RNASEH1: variants seen among roughly 807,000 people sequenced by gnomAD.
RNASEH1 encodes the protein ribonuclease H1, also known as ribonuclease H type II.
Under a neutral mutation model 34.6 loss-of-function variants are expected in RNASEH1, and 27 were observed. That is an observed-to-expected ratio of 0.78 (90% CI 0.58 to 1.08). The LOEUF (loss-of-function observed/expected upper bound fraction) is 1.08. Ranked by LOEUF, RNASEH1 falls within the 50% of genes least tolerant of loss-of-function variation. The probability of loss-of-function intolerance (pLI) is 0.00; values close to 1 mark genes in which losing one functional copy is unlikely to be tolerated. For missense variants in RNASEH1, 349 were observed against 373.6 expected, an observed-to-expected ratio of 0.93 and a Z score of 0.54; for synonymous variants, 162 against 138.4, an observed-to-expected ratio of 1.17 and a Z score of -1.20.
At chr2:3,555,787 T>A (rs1002512220) in intron 2 of RNASEH1, among the ~76,000 whole-genome samples, 4 of 152,184 alleles carry the variant, frequency 2.6e-5, no homozygotes, top group Admixed American at 1.3e-4. Context: ...TGAGTCTGCA[T>A]AATGGGCTTT....
intron 2 of RNASEH1, among the ~76,000 whole-genome samples, chr2:3,553,266 G>C (rs908998214): frequency 6.6e-6 from 1 of 151,762 alleles, no homozygotes; most frequent in Non-Finnish European, 1.5e-5. Flanking sequence ...AAAGGAAACA[G>C]AAACCAGAAA....
intron 7 of RNASEH1, among the ~76,000 whole-genome samples, chr2:3,546,731 A>G (rs1668788792): frequency 6.6e-6 from 1 of 152,226 alleles, no homozygotes; most frequent in Admixed American, 6.5e-5. Context: ...AGATTGCGCC[A>G]CTGCACTCCA....
At chr2:3,535,340 T>G in the RNASEH1 span, among the ~76,000 whole-genome samples, 1 of 148,360 alleles carries the variant, frequency 6.7e-6, no homozygotes, top group Non-Finnish European at 1.5e-5. Context: ...GGCAAGAGAA[T>G]CACTTGAACC....
At chr2:3,550,326 C>G (rs748689328) in intron 4 of RNASEH1, 47 bp downstream of exon 4, 2 of 1,434,712 alleles carry the variant, frequency 1.4e-6, no homozygotes, top group East Asian at 4.5e-5. Context: ...CATCTTTTCA[C>G]AAGTTGTGGA....
At position 3,545,451 on chromosome 2, in the gene RNASEH1, G is replaced by T; in HGVS notation, c.*334C>A. On this transcript the variant is annotated 3_prime_UTR_variant, in exon 8 of 8. Coordinates refer to ENST00000315212, the MANE Select transcript of RNASEH1 (RefSeq NM_002936.6). ...TCTGAGTTGCATCTTTTAACCAATG[G>T]TTTTTTGATTTCTTATCAAAATATA... The T allele has an allele frequency of 3.8e-6, 1 of 262,142 alleles. No individual in the cohort carries two copies. The highest frequency in any genetic ancestry group is 6.9e-5 in the South Asian group (1 of 14,556). 16.2% of individuals were successfully genotyped at this position (262,142 alleles called of 1,614,324 possible). A position where few individuals can be genotyped will look rare whatever the true frequency, so the allele number is the denominator to read the frequency against.
rs1197095444 is a variant in RNASEH1 at position 3,543,323 on chromosome 2, T to G, written c.*2462A>C. ...GTGCTACCCAGCTGAAGAAACTATT[T>G]TCTGCTCAATTAAACTGCTAACTTG... On this transcript the variant is annotated 3_prime_UTR_variant, in exon 8 of 8. Coordinates refer to ENST00000315212, the MANE Select transcript of RNASEH1 (RefSeq NM_002936.6). Among the ~76,000 whole-genome samples the G allele has an allele frequency of 6.6e-6, 1 of 152,224 alleles. No individual in the cohort carries two copies. Among genetic ancestry groups the G allele is most frequent in the African/African-American group, 2.4e-5 (1 of 41,460 alleles).
chr2:3,537,032 T>C (rs1668023679), downstream of RNASEH1, among the ~76,000 whole-genome samples: 1 of 152,200 alleles, frequency 6.6e-6, no homozygotes, highest in South Asian at 2.1e-4. Context: ...GAGGCCCCTC[T>C]CCAAATGGCC....
In RNASEH1 at chr2:3,548,683, G is replaced by A; in HGVS notation, c.606C>T (p.Ile202=). The A allele has an allele frequency of 6.2e-7, 1 of 1,612,496 alleles. No individual in the cohort carries two copies. The highest frequency in any genetic ancestry group is 1.3e-5 in the African/African-American group (1 of 75,008). Residue 202 remains isoleucine (I), a synonymous_variant, in exon 6 of 8, where the codon ATC becomes ATT. Coordinates refer to ENST00000315212, the MANE Select transcript of RNASEH1 (RefSeq NM_002936.6). Reference sequence around the variant, plus strand: ...TGTCTGTATACAGAACCAGTTTATTGATGTTTTGAGTCTTTGCTTGTTCAA... The same window carrying A: ...TGTCTGTATACAGAACCAGTTTATTAATGTTTTGAGTCTTTGCTTGTTCAA... The part of the protein sequence containing the change: ...KAIEQAKTQN[I]NKLVLYTDSM...
Position 3,544,549 on chromosome 2 carries a change from G to A in RNASEH1, c.*1236C>T, listed in dbSNP as rs1668567501. ...TCTGTAAAAGTCAGGATTACTTGTT[G>A]GGGCAAGGAGGGGGAGAAGAAGAGG... is the stretch of plus-strand genomic sequence containing the variant. On this transcript the variant is annotated 3_prime_UTR_variant, in exon 8 of 8. Coordinates refer to ENST00000315212, the MANE Select transcript of RNASEH1 (RefSeq NM_002936.6). 1.3e-5 allele frequency among the ~76,000 whole-genome samples: 2 copies of A among 152,154 alleles called. No homozygotes were observed. The highest frequency in any genetic ancestry group is 2.1e-4 in the South Asian group (1 of 4,828).
the RNASEH1 span, among the ~76,000 whole-genome samples, chr2:3,535,844 G>C: frequency 6.6e-6 from 1 of 152,208 alleles, no homozygotes; most frequent in Non-Finnish European, 1.5e-5. Flanking sequence ...AGTACAGGCA[G>C]GGAAGGACGC....
intron 7 of RNASEH1, 109 bp from the exon 8 acceptor site, chr2:3,545,980 T>G (rs1412073665): frequency 8.0e-6 from 6 of 752,146 alleles, no homozygotes; most frequent in Admixed American, 7.9e-5. Flanking sequence ...CAGCATAAGC[T>G]CAACTTCAAC....
At chr2:3,536,802 A>C (rs1162234895), downstream of RNASEH1, 1 of 152,224 alleles carries the variant, frequency 6.6e-6, no homozygotes, top group Non-Finnish European at 1.5e-5. Flanking sequence ...ATTTTCTCCC[A>C]GTTCTGGAGG....
rs905784010 is a variant in RNASEH1 at position 3,544,580 on chromosome 2, G to A, written c.*1205C>T. Among the ~76,000 whole-genome samples the A allele has an allele frequency of 2.0e-5, 3 of 152,160 alleles. No individual in the cohort carries two copies. Among genetic ancestry groups the A allele is most frequent in the Non-Finnish European group, 4.4e-5 (3 of 68,032 alleles). ...AGGAGGGGGAGAAGAAGAGGGCTGTGGCTGGAGGGGCACTTGGGAGAGCCT... is the reference window on the plus strand; with the variant it reads ...AGGAGGGGGAGAAGAAGAGGGCTGTAGCTGGAGGGGCACTTGGGAGAGCCT... On this transcript the variant is annotated 3_prime_UTR_variant, in exon 8 of 8. Coordinates refer to ENST00000315212, the MANE Select transcript of RNASEH1 (RefSeq NM_002936.6).
chr2:3,558,272 G>C lies in RNASEH1; in HGVS notation c.-12C>G, dbSNP rs764421435. ...AGAAGCCAGCTCATCGCTCACTCCCGGCACCGGGAAGCATTTCGACTCCCG... is the reference window on the plus strand; with the variant it reads ...AGAAGCCAGCTCATCGCTCACTCCCCGCACCGGGAAGCATTTCGACTCCCG... On this transcript the variant is annotated 5_prime_UTR_variant, in exon 1 of 8. Transcript: ENST00000315212. The C allele has an allele frequency of 1.3e-6, 2 of 1,557,302 alleles. No individual in the cohort carries two copies. Among genetic ancestry groups the C allele is most frequent in the African/African-American group, 1.4e-5 (1 of 71,718 alleles).
intron 6 of RNASEH1, 93 bp from the exon 7 acceptor site, chr2:3,548,148 A>T: frequency 6.9e-7 from 1 of 1,457,180 alleles, no homozygotes. Flanking sequence ...TCCCACTTGT[A>T]TTCTGAGTCA....
intron 3 of RNASEH1, among the ~76,000 whole-genome samples, chr2:3,551,246 A>T (rs938794286): frequency 1.3e-5 from 2 of 152,256 alleles, no homozygotes; most frequent in Non-Finnish European, 2.9e-5. Flanking sequence ...GCTGAGAGCC[A>T]AGGGGAGTGT....
At chr2:3,547,848 C>T in intron 7 of RNASEH1, 83 bp downstream of exon 7, 1 of 1,306,254 alleles carries the variant, frequency 7.7e-7, no homozygotes, top group East Asian at 2.3e-5. Flanking sequence ...GTCATTAAAC[C>T]ACTTACATAA....
Position 3,552,159 on chromosome 2 carries a change from T to G in RNASEH1, c.394A>C (p.Thr132Pro). 1 of 1,609,412 alleles carries G rather than the reference T, an allele frequency of 6.2e-7. No homozygotes were observed. The highest frequency in any genetic ancestry group is 8.5e-7 in the Non-Finnish European group (1 of 1,179,122). ...VEPAPPVSRDTFSYMGDFVVV... is the reference protein window; with the variant it reads ...VEPAPPVSRDPFSYMGDFVVV... ...GAAGATGTACCCATGTAGGAAAACG[T>G]GTCTCTGCTAACTGGAGGCGCCGGC... Residue 132 changes from threonine (T) to proline (P), a missense_variant, in exon 3 of 8, where the codon ACG becomes CCG. Physicochemically the swap from Thr to Pro is conservative, Grantham distance 38. This residue lies in a region of RNASEH1 where 256 missense variants were observed against 240.7 expected (regional missense o/e 1.06). Coordinates refer to ENST00000315212, the MANE Select transcript of RNASEH1 (RefSeq NM_002936.6).
At position 3,550,421 on chromosome 2, in the gene RNASEH1, C is replaced by G. The variant is rs1237713494; in HGVS notation, c.461G>C (p.Arg154Thr). ...AACGCCGATTCCTGCTCGCGGCCTT[C>G]TACGCCCATTACTGGAGCAGCAGCC... is the stretch of plus-strand genomic sequence containing the variant. ...TDGCCSSNGR[R>T]RPRAGIGVYW... The change falls in exon 4 of 8, where the codon AGA becomes ACA. Residue 154 changes from arginine to threonine, a missense_variant. Around this residue, in one of 2 missense-constraint regions of RNASEH1, gnomAD observed 256 missense variants for 240.7 expected, o/e 1.06. Transcript: ENST00000315212. 6.2e-7 allele frequency: 1 copy of G among 1,614,060 alleles called. No homozygotes were observed. Among genetic ancestry groups the G allele is most frequent in the African/African-American group, 1.3e-5 (1 of 74,912 alleles).
Sources: gnomAD v4.1 joint callset for allele counts (sites outside exome capture counted in the v4.1 genomes callset) on GRCh38, gnomAD v4.1.1 for gene constraint, gnomAD v4.1.1 regional missense constraint, MANE v1.5 for transcripts, NCBI Gene and HGNC (gene_info 2026-07-23, HGNC 2026-07-21) for gene names.